The following GLT8D2 variants were observed in gnomAD, a reference collection of about 807,000 sequenced individuals.
GLT8D2 encodes the protein glycosyltransferase 8 domain containing 2.
GLT8D2 carries 45 observed loss-of-function variants against 44.5 expected under a neutral mutation model. The ratio of observed to expected loss-of-function variants is 1.01; its 90% CI spans 0.80 to 1.30. The LOEUF (loss-of-function observed/expected upper bound fraction) is 1.30, where lower values mean the gene tolerates loss of function less well. Ranked by LOEUF, GLT8D2 falls within the 50% of genes most tolerant of loss-of-function variation. GLT8D2 has a pLI of 0.00. For synonymous variants in GLT8D2, 156 were observed against 157.2 expected (o/e 0.99, Z 0.06); for missense variants, 400 against 430.4 (o/e 0.93, Z 0.62).
chr12:104,062,267 T>C (rs750977060), intron 1 of GLT8D2, among the ~76,000 whole-genome samples: 5 of 152,000 alleles, frequency 3.3e-5, no homozygotes, highest in Non-Finnish European at 7.4e-5. Context: ...AGAGATGGGT[T>C]TCACCATGTT....
At chr12:104,007,630 A>C (rs1473543436) in intron 4 of GLT8D2, among the ~76,000 whole-genome samples, 2 of 152,244 alleles carry the variant, frequency 1.3e-5, no homozygotes, top group Admixed American at 6.5e-5. Flanking sequence ...ACATATTTGC[A>C]AATGGACCTA....
rs187218497 is a variant in GLT8D2, at chr12:104,041,507, C to A, written c.-164+8388G>T. On this transcript the variant is annotated intron_variant, in intron 1 of 10. Coordinates refer to ENST00000360814, the MANE Select transcript of GLT8D2 (RefSeq NM_001384711.1). ...AGGGGAATTGCTTGAACCAGGGAGG[C>A]GGAGGTTGCAGTAAACACAGATCGC... Among the ~76,000 whole-genome samples the A allele has an allele frequency of 6.4e-4, 97 of 152,268 alleles. 4 individuals carry two copies. In the East Asian group the frequency reaches 0.017, roughly 26 times the overall value.
At chr12:104,018,804 A>G (rs2136366615) in intron 3 of GLT8D2, among the ~76,000 whole-genome samples, 1 of 152,220 alleles carries the variant, frequency 6.6e-6, no homozygotes, top group East Asian at 1.9e-4. Context: ...CTGAAGTTCA[A>G]ATTTAACTGG....
chr12:103,993,634 C>T, intron 9 of GLT8D2, 130 bp from the exon 10 acceptor site: 2 of 609,636 alleles, frequency 3.3e-6, no homozygotes, highest in East Asian at 6.1e-5. Context: ...CTTTCATTCT[C>T]CCCCAAATTT....
At chr12:104,015,347 G>C (rs7959586) in intron 3 of GLT8D2, among the ~76,000 whole-genome samples, 1 of 150,862 alleles carries the variant, frequency 6.6e-6, no homozygotes, top group African/African-American at 2.4e-5. Context: ...CAGGAGTTTC[G>C]AGACCAGCCT....
chr12:104,058,918 A>G (rs1593580873), intron 1 of GLT8D2, among the ~76,000 whole-genome samples: 3 of 152,188 alleles, frequency 2.0e-5, no homozygotes, highest in Admixed American at 6.5e-5. Context: ...CAAATCCTAT[A>G]TACCTCTAAC....
intron 1 of GLT8D2, among the ~76,000 whole-genome samples, chr12:104,038,828 C>T (rs960822157): frequency 6.6e-6 from 1 of 152,148 alleles, no homozygotes; most frequent in Non-Finnish European, 1.5e-5. Context: ...AAAGAGCCCA[C>T]ATCGCCAAGA....
At chr12:104,016,440 C>G (rs1329272341) in intron 3 of GLT8D2, among the ~76,000 whole-genome samples, 2 of 151,964 alleles carry the variant, frequency 1.3e-5, no homozygotes. Flanking sequence ...AGTTTGAGAC[C>G]AGCCTGGCCA....
chr12:104,039,464 C>T (rs565325598), intron 1 of GLT8D2, among the ~76,000 whole-genome samples: 2 of 152,278 alleles, frequency 1.3e-5, no homozygotes, highest in African/African-American at 4.8e-5. Flanking sequence ...AAACAAACAA[C>T]CCCATCAAAA....
chr12:104,015,448 C>A (rs548088914), intron 3 of GLT8D2, among the ~76,000 whole-genome samples: 2 of 129,440 alleles, frequency 1.5e-5, no homozygotes, highest in African/African-American at 5.7e-5. Context: ...ATTAGCTGGG[C>A]GTGGTGGCAT....
intron 1 of GLT8D2, among the ~76,000 whole-genome samples, chr12:104,057,757 TATC>T (rs1021487181): frequency 6.6e-6 from 1 of 152,236 alleles, no homozygotes; most frequent in Non-Finnish European, 1.5e-5. Context: ...AGAACAGTGT[TATC>T]ATGCAAAGTG....
At chr12:104,023,853 T>G (rs535582763) in intron 1 of GLT8D2, among the ~76,000 whole-genome samples, 28 of 152,348 alleles carry the variant, frequency 1.8e-4, no homozygotes, top group African/African-American at 6.7e-4. Flanking sequence ...TACTAGCTAT[T>G]GCCTTTACCA....
chr12:104,051,767 C>G (rs1448131007), upstream of GLT8D2, among the ~76,000 whole-genome samples: 5 of 151,648 alleles, frequency 3.3e-5, no homozygotes, highest in Non-Finnish European at 7.4e-5. Context: ...TTAACTAAGT[C>G]TTTGAAATTT....
At chr12:104,006,991 C>T (rs887792169) in intron 4 of GLT8D2, among the ~76,000 whole-genome samples, 2 of 152,132 alleles carry the variant, frequency 1.3e-5, no homozygotes, top group African/African-American at 4.8e-5. Context: ...CTCTCCTATC[C>T]CCATTCTAGT....
intron 5 of GLT8D2, among the ~76,000 whole-genome samples, chr12:104,000,255 AAGAT>A (rs1465665637): frequency 1.3e-5 from 2 of 152,242 alleles, no homozygotes; most frequent in African/African-American, 2.4e-5. Flanking sequence ...CAATTAAAAA[AAGAT>A]AGACTAACAG....
chr12:104,020,505 C>T (rs1163460206), intron 2 of GLT8D2, among the ~76,000 whole-genome samples: 1 of 152,070 alleles, frequency 6.6e-6, no homozygotes, highest in African/African-American at 2.4e-5. Flanking sequence ...AGTGATGCAC[C>T]GAAAAACAAA....
intron 1 of GLT8D2, among the ~76,000 whole-genome samples, chr12:104,029,150 C>G (rs1462646198): frequency 6.6e-6 from 1 of 152,094 alleles, no homozygotes; most frequent in East Asian, 1.9e-4. Context: ...ATTAGCTGGG[C>G]ATGGTGGCGT....
chr12:104,039,914 A>G (rs1340035762), intron 1 of GLT8D2, among the ~76,000 whole-genome samples: 3 of 152,244 alleles, frequency 2.0e-5, no homozygotes. Context: ...CATCAATGAT[A>G]GACTGAATTA....
At chr12:103,993,721 G>A in intron 9 of GLT8D2, 1 of 414,420 alleles carries the variant, frequency 2.4e-6, no homozygotes, top group East Asian at 4.0e-5. Context: ...TAGAGTAACA[G>A]TGTTAATATT....
Sources: gnomAD v4.1 joint callset for allele counts (sites outside exome capture counted in the v4.1 genomes callset) on GRCh38, gnomAD v4.1.1 for gene constraint, MANE v1.5 for transcripts, NCBI Gene and HGNC (gene_info 2026-07-23, HGNC 2026-07-21) for gene names.